GARIN3: variants seen among roughly 807,000 people sequenced by gnomAD.
GARIN3 encodes Golgi-associated RAB2 interactor protein 3.
At chr5:157,162,518 G>T in the GARIN3 span, 3 of 1,614,026 alleles carry the variant, frequency 1.9e-6, no homozygotes, top group Non-Finnish European at 2.5e-6. Flanking sequence ...ATCATCTCCA[G>T]CTCCTGGCCA....
At chr5:157,162,410 T>C in the GARIN3 span, 1 of 1,592,960 alleles carries the variant, frequency 6.3e-7, no homozygotes, top group South Asian at 1.2e-5. Context: ...CTAGGGATAC[T>C]TCCAGATCCC....
the GARIN3 span, chr5:157,162,439 G>A: frequency 3.7e-6 from 6 of 1,611,050 alleles, no homozygotes; most frequent in East Asian, 2.2e-5. Flanking sequence ...TGTAGCCCTG[G>A]CTCCTCTTTA....
chr5:157,163,284 G>T, the GARIN3 span: 1 of 1,614,204 alleles, frequency 6.2e-7, no homozygotes, highest in East Asian at 2.2e-5. Flanking sequence ...CCATGGACTT[G>T]CTGGATTCAT....
At chr5:157,163,547 C>T in the GARIN3 span, 2 of 1,614,182 alleles carry the variant, frequency 1.2e-6, no homozygotes, top group Admixed American at 3.3e-5. Context: ...CCGTGGGAGG[C>T]ATGTTGGATT....
chr5:157,163,310 TG>T, the GARIN3 span: 9 of 1,614,198 alleles, frequency 5.6e-6, no homozygotes, highest in Non-Finnish European at 6.8e-6. Context: ...CCTGGATTTT[TG>T]ATAGCTGCTC....
At chr5:157,165,619 T>C in the GARIN3 span, 2 of 1,614,066 alleles carry the variant, frequency 1.2e-6, no homozygotes, top group Non-Finnish European at 1.7e-6. Context: ...GTTGGGGTAC[T>C]GCAGTAACTC....
the GARIN3 span, chr5:157,166,034 T>A: frequency 6.2e-7 from 1 of 1,614,198 alleles, no homozygotes. Context: ...TCTCGAACAT[T>A]GGTGCATACT....
the GARIN3 span, chr5:157,166,090 C>G: frequency 1.2e-6 from 2 of 1,614,152 alleles, no homozygotes; most frequent in East Asian, 4.5e-5. Context: ...CGTTGCAGGT[C>G]CCCCATGGAG....
chr5:157,162,294 C>T, the GARIN3 span: 5 of 1,198,782 alleles, frequency 4.2e-6, no homozygotes, highest in Non-Finnish European at 4.6e-6. Flanking sequence ...GAGGTCACCA[C>T]CAGGCTATGG....
chr5:157,166,041 T>C, the GARIN3 span: 2 of 1,614,214 alleles, frequency 1.2e-6, no homozygotes, highest in South Asian at 1.1e-5. Flanking sequence ...CATTGGTGCA[T>C]ACTTGAAAAT....
chr5:157,162,308 G>A, the GARIN3 span: 37 of 1,352,990 alleles, frequency 2.7e-5, no homozygotes, highest in African/African-American at 5.1e-4. Context: ...GCTATGGGCA[G>A]AAAAATTCAA....
chr5:157,165,936 C>A, the GARIN3 span: 13 of 1,614,200 alleles, frequency 8.1e-6, no homozygotes, highest in Non-Finnish European at 1.0e-5. Context: ...GAGGATGGGG[C>A]TGGTGCAGAC....
At chr5:157,162,649 C>A in the GARIN3 span, 1 of 1,614,138 alleles carries the variant, frequency 6.2e-7, no homozygotes, top group South Asian at 1.1e-5. Context: ...CCTGAGGCTC[C>A]TTAAAAAAGA....
chr5:157,163,680 C>T, the GARIN3 span: 5 of 1,598,782 alleles, frequency 3.1e-6, no homozygotes, highest in Non-Finnish European at 4.3e-6. Context: ...GGAAGAGAAA[C>T]AGATGAGATT....
chr5:157,162,768 G>A, the GARIN3 span: 4 of 1,614,224 alleles, frequency 2.5e-6, no homozygotes, highest in Non-Finnish European at 3.4e-6. Flanking sequence ...TGTGGGTGGA[G>A]CTCTTGCGAG....
the GARIN3 span, chr5:157,166,051 T>C: frequency 3.1e-6 from 5 of 1,614,184 alleles, no homozygotes; most frequent in Non-Finnish European, 3.4e-6. Context: ...TACTTGAAAA[T>C]GTTGTACTCT....
At chr5:157,163,709 A>G in the GARIN3 span, 1 of 1,560,192 alleles carries the variant, frequency 6.4e-7, no homozygotes, top group Non-Finnish European at 8.7e-7. Context: ...TGAAAGGGAG[A>G]TCAGAACTTT....
At chr5:157,163,771 C>G in the GARIN3 span, 1 of 1,409,498 alleles carries the variant, frequency 7.1e-7, no homozygotes, top group Admixed American at 2.4e-5. Flanking sequence ...TTAGAAGAAC[C>G]TGGGTCGGGT....
chr5:157,165,441 C>G, the GARIN3 span: 22 of 1,456,164 alleles, frequency 1.5e-5, no homozygotes, highest in Admixed American at 4.5e-5. Context: ...GGTCCTGAGC[C>G]CTTGCACATG....
Sources: gnomAD v4.1 joint callset for allele counts on GRCh38, gnomAD v4.1.1 for gene constraint, MANE v1.5 for transcripts, NCBI Gene and HGNC (gene_info 2026-07-23, HGNC 2026-07-21) for gene names.